The following OTUD1 variants were observed in gnomAD, a reference collection of about 807,000 sequenced individuals.
The protein encoded by OTUD1 is OTU domain-containing protein 1.
OTUD1 carries 15 observed loss-of-function variants against 30.0 expected under a neutral mutation model. The ratio of observed to expected loss-of-function variants is 0.50; its 90% CI spans 0.33 to 0.77. The LOEUF (loss-of-function observed/expected upper bound fraction) is 0.77. Among genes scored for constraint, OTUD1 ranks in the 30% least tolerant of loss-of-function variants. The pLI is 0.02. For synonymous variants in OTUD1, 381 were observed against 326.3 expected (o/e 1.17, Z -1.81); for missense variants, 796 against 697.8 (o/e 1.14, Z -1.59).
chr10:23,439,496 C>T lies in OTUD1; in HGVS notation c.39C>T (p.Ala13=). 8.0e-6 allele frequency: 11 copies of T among 1,370,324 alleles called. No homozygotes were observed. The highest frequency in any genetic ancestry group is 1.5e-5 in the African/African-American group (1 of 65,638). 84.9% of individuals were successfully genotyped at this position (1,370,324 alleles called of 1,614,324 possible). Residue 13 remains alanine, a synonymous_variant, in exon 1 of 1, where the codon GCC becomes GCT. Transcript: ENST00000376495. ...LYSSVCTHYP[A]GAPGPTAAAP... ...GCAGCGTCTGCACCCACTACCCCGC[C>T]GGGGCCCCGGGTCCCACGGCCGCCG...
In OTUD1 at chr10:23,439,657, T is replaced by C. The variant is rs772000715; in HGVS notation, c.200T>C (p.Val67Ala). The change falls in exon 1 of 1, where the codon GTC (valine) becomes GCC (alanine). Residue 67 changes from valine to alanine, a missense_variant. Val to Ala is a moderately conservative substitution (Grantham distance 64). Transcript: ENST00000376495. ...GCCGAGCACCGGGAAGCCGCCGCTG[T>C]CCCCGCCGCCAAGATGCCCGCCTTC... ...AAAEHREAAAVPAAKMPAFSS... is the reference protein window; with the variant it reads ...AAAEHREAAAAPAAKMPAFSS... 2.1e-4 allele frequency: 268 copies of C among 1,295,790 alleles called. No homozygotes were observed. The African/African-American group carries it at 3.6e-3, about 18-fold the overall frequency. 80.3% of individuals were successfully genotyped at this position (1,295,790 alleles called of 1,614,324 possible).
rs1205854110 is a variant in OTUD1, at chr10:23,439,542, G to C, written c.85G>C (p.Ala29Pro). 25 of 1,379,958 alleles carry C rather than the reference G, an allele frequency of 1.8e-5. No individual in the cohort carries two copies. Among genetic ancestry groups the C allele is most frequent in the Admixed American group, 3.0e-5 (1 of 33,700 alleles). 85.5% of individuals were successfully genotyped at this position (1,379,958 alleles called of 1,614,324 possible). A position where few individuals can be genotyped will look rare whatever the true frequency, so the allele number is the denominator to read the frequency against. The change falls in exon 1 of 1, where the codon GCT becomes CCT. Residue 29 changes from alanine to proline, a missense_variant. Physicochemically the swap from Ala to Pro is conservative, Grantham distance 27 (BLOSUM62 -1). Coordinates refer to ENST00000376495, the MANE Select transcript of OTUD1 (RefSeq NM_001145373.3). Reference protein sequence around the residue: ...TAAAPAPPAAATPFKVSLQPP... With the variant: ...TAAAPAPPAAPTPFKVSLQPP... ...CGCCGCCCCCGCGCCACCCGCCGCC[G>C]CTACCCCCTTCAAGGTCTCGCTGCA...
In OTUD1 at chr10:23,440,095, C is replaced by A; in HGVS notation, c.638C>A (p.Thr213Asn). 7.0e-7 allele frequency: 1 copy of A among 1,426,638 alleles called. No individual in the cohort carries two copies. 88.4% of individuals were successfully genotyped at this position (1,426,638 alleles called of 1,614,324 possible). The change falls in exon 1 of 1, where the codon ACC becomes AAC. Residue 213 changes from threonine to asparagine, a missense_variant. By Grantham distance (65) the Thr-to-Asn change is moderately conservative (BLOSUM62 0). Coordinates refer to ENST00000376495, the MANE Select transcript of OTUD1 (RefSeq NM_001145373.3). ...GCCAAGCACCGAGGCCCCGCGGCGA[C>A]CCCGGGGAGCCCCGATCCCGGCCCC... ...AAAKHRGPAA[T>N]PGSPDPGPGP...
chr10:23,441,313 G>T lies in OTUD1; in HGVS notation c.*410G>T, dbSNP rs4748890. 2.8e-5 allele frequency: 5 copies of T among 180,414 alleles called. No homozygotes were observed. In the Admixed American group the frequency reaches 3.0e-4, roughly 11 times the overall value. 11.2% of individuals were successfully genotyped at this position (180,414 alleles called of 1,614,324 possible). On this transcript the variant is annotated 3_prime_UTR_variant, in exon 1 of 1. Coordinates refer to ENST00000376495, the MANE Select transcript of OTUD1 (RefSeq NM_001145373.3). The stretch of plus-strand genomic sequence containing the variant: ...AGCTTTCAGGCGTAAATCCAGAGAA[G>T]TGCTTTATATGAAATGTATTATTTT...
rs1847130386 is a variant in OTUD1 at position 23,441,632 on chromosome 10, G to A, written c.*729G>A. 1 of 166,774 alleles carries A rather than the reference G, an allele frequency of 6.0e-6. No homozygotes were observed. Among genetic ancestry groups the A allele is most frequent in the Non-Finnish European group, 1.5e-5 (1 of 68,108 alleles). The allele number at this position is 166,774 out of a possible 1,614,324, so 10.3% of individuals were successfully genotyped here. ...GGATAGTAGCAGGTCTTACTTGAAT[G>A]AAAGTCTGATATTTGCTGATGGCAG... On this transcript the variant is annotated 3_prime_UTR_variant, in exon 1 of 1. Transcript: ENST00000376495.
Position 23,440,165 on chromosome 10 carries a change from C to A in OTUD1, c.708C>A (p.Gly236=). The A allele has an allele frequency of 6.9e-7, 1 of 1,452,560 alleles. No homozygotes were observed. The highest frequency in any genetic ancestry group is 9.0e-7 in the Non-Finnish European group (1 of 1,105,592). 90.0% of individuals were successfully genotyped at this position (1,452,560 alleles called of 1,614,324 possible). A position where few individuals can be genotyped will look rare whatever the true frequency, so the allele number is the denominator to read the frequency against. Residue 236 remains glycine, a synonymous_variant, in exon 1 of 1, where the codon GGC becomes GGA. Transcript: ENST00000376495. ...ACTTGGCGGAGAGGGGCCCCAGGGG[C>A]TGGGAGAGGGGCGGCGATCGCTGCG... ...EEHLAERGPR[G]WERGGDRCDA...
Position 23,440,878 on chromosome 10 carries a change from A to G in OTUD1, c.1421A>G (p.Tyr474Cys). 1.9e-6 allele frequency: 3 copies of G among 1,551,636 alleles called. No individual in the cohort carries two copies. The highest frequency in any genetic ancestry group is 1.7e-6 in the Non-Finnish European group (2 of 1,146,904). Residue 474 changes from tyrosine (Y) to cysteine (C), a missense_variant, in exon 1 of 1, where the codon TAT (tyrosine) becomes TGT (cysteine). Transcript: ENST00000376495. ...KSMAISLSKMYIEQNACS is the reference protein window; with the variant it reads ...KSMAISLSKMCIEQNACS ...ATGGCCATATCCTTGTCTAAAATGT[A>G]TATTGAACAAAATGCATGCTCTTGA... is the stretch of plus-strand genomic sequence containing the variant.
Position 23,440,485 on chromosome 10 carries a change from C to T in OTUD1, c.1028C>T (p.Thr343Met), listed in dbSNP as rs761283085. ...CTGCACCGGGAGTTGAGGGAGCAGA[C>T]GGTGCACTACATCGCCGACCATCTC... ...QSLHRELREQ[T>M]VHYIADHLDH... Residue 343 changes from threonine (T) to methionine (M), a missense_variant, in exon 1 of 1, where the codon ACG becomes ATG. Physicochemically the swap from Thr to Met is moderately conservative, Grantham distance 81. Coordinates refer to ENST00000376495, the MANE Select transcript of OTUD1 (RefSeq NM_001145373.3). 4 of 1,551,704 alleles carry T rather than the reference C, an allele frequency of 2.6e-6. No individual in the cohort carries two copies. Among genetic ancestry groups the T allele is most frequent in the South Asian group, 2.4e-5 (2 of 84,068 alleles).
Position 23,439,566 on chromosome 10 carries a change from C to T in OTUD1, c.109C>T (p.Gln37Ter). The change falls in exon 1 of 1, where the codon CAG becomes TAG. Residue 37 changes from glutamine to a stop codon, truncating the protein, a stop_gained. Transcript: ENST00000376495. LOFTEE classifies it high-confidence loss of function. ...CGCTACCCCCTTCAAGGTCTCGCTG[C>T]AGCCCCCGGGAGCCGCCGGCGCCGC... Reference protein sequence around the residue: ...AAATPFKVSLQPPGAAGAAPE... With the variant: ...AAATPFKVSL 1 of 1,382,570 alleles carries T rather than the reference C, an allele frequency of 7.2e-7. No individual in the cohort carries two copies. Among genetic ancestry groups the T allele is most frequent in the Non-Finnish European group, 9.4e-7 (1 of 1,064,720 alleles). The allele number at this position is 1,382,570 out of a possible 1,614,324, so 85.6% of individuals were successfully genotyped here.
At position 23,440,905 on chromosome 10, in the gene OTUD1, A is replaced by G. The variant is rs1290063349; in HGVS notation, c.*2A>G. ...ATTGAACAAAATGCATGCTCTTGAA[A>G]TGTCTCAAAACCTTACACCCTGGGA... On this transcript the variant is annotated 3_prime_UTR_variant, in exon 1 of 1. Transcript: ENST00000376495. The G allele has an allele frequency of 6.5e-7, 1 of 1,548,892 alleles. No homozygotes were observed. The highest frequency in any genetic ancestry group is 8.7e-7 in the Non-Finnish European group (1 of 1,145,506).
At position 23,441,933 on chromosome 10, in the gene OTUD1, C is replaced by T. The variant is rs1405295336; in HGVS notation, c.*1030C>T. ...TTTCAAAAGGCAAAATAGGATTGCC[C>T]TGTATTGATGTAGAAATGTCTGTAA... On this transcript the variant is annotated 3_prime_UTR_variant, in exon 1 of 1. Transcript: ENST00000376495. 2 of 166,952 alleles carry T rather than the reference C, an allele frequency of 1.2e-5. No homozygotes were observed. Among genetic ancestry groups the T allele is most frequent in the African/African-American group, 4.8e-5 (2 of 41,400 alleles). The allele number at this position is 166,952 out of a possible 1,614,324, so 10.3% of individuals were successfully genotyped here. A position where few individuals can be genotyped will look rare whatever the true frequency, so the allele number is the denominator to read the frequency against.
Position 23,440,129 on chromosome 10 carries a change from G to T in OTUD1, c.672G>T (p.Trp224Cys). Residue 224 changes from tryptophan to cysteine, a missense_variant, in exon 1 of 1, where the codon TGG becomes TGT. Coordinates refer to ENST00000376495, the MANE Select transcript of OTUD1 (RefSeq NM_001145373.3). ...PGSPDPGPGP[W>C]GEEHLAERGP... ...GCCCCGATCCCGGCCCCGGTCCGTG[G>T]GGCGAAGAGCACTTGGCGGAGAGGG... 7.0e-7 allele frequency: 1 copy of T among 1,427,230 alleles called. No homozygotes were observed. Among genetic ancestry groups the T allele is most frequent in the Non-Finnish European group, 9.1e-7 (1 of 1,099,090 alleles). 88.4% of individuals were successfully genotyped at this position (1,427,230 alleles called of 1,614,324 possible).
Position 23,440,902 on chromosome 10 carries a change from G to A in OTUD1, c.1445G>A (p.Ter482=), listed in dbSNP as rs1847120632. ...TATATTGAACAAAATGCATGCTCTT[G>A]AAATGTCTCAAAACCTTACACCCTG... ...KMYIEQNACS[*] The change falls in exon 1 of 1, where the codon TGA becomes TAA. Residue 482 remains the stop codon, a stop_retained_variant. Coordinates refer to ENST00000376495, the MANE Select transcript of OTUD1 (RefSeq NM_001145373.3). The A allele has an allele frequency of 1.9e-6, 3 of 1,549,318 alleles. No homozygotes were observed. The highest frequency in any genetic ancestry group is 4.9e-5 in the East Asian group (2 of 40,918).
Position 23,439,759 on chromosome 10 carries a change from A to C in OTUD1, c.302A>C (p.Lys101Thr). The C allele has an allele frequency of 8.6e-7, 1 of 1,158,004 alleles. No individual in the cohort carries two copies. The highest frequency in any genetic ancestry group is 3.4e-5 in the South Asian group (1 of 29,630). 71.7% of individuals were successfully genotyped at this position (1,158,004 alleles called of 1,614,324 possible). Residue 101 changes from lysine (K) to threonine (T), a missense_variant, in exon 1 of 1, where the codon AAG (lysine) becomes ACG (threonine). By Grantham distance (78) the Lys-to-Thr change is moderately conservative (BLOSUM62 -1). Transcript: ENST00000376495. ...GCCGGCCCGCCCGGCGCGTCCTGCAAGCCGCCGCTGCCGCCGCACTACACG... is the reference window on the plus strand; with the variant it reads ...GCCGGCCCGCCCGGCGCGTCCTGCACGCCGCCGCTGCCGCCGCACTACACG... ...AAAGPPGASC[K>T]PPLPPHYTST...
rs971349134 is a variant in OTUD1, at chr10:23,442,063, G to A, written c.*1160G>A. 6.0e-6 allele frequency: 1 copy of A among 166,884 alleles called. No individual in the cohort carries two copies. The highest frequency in any genetic ancestry group is 1.5e-5 in the Non-Finnish European group (1 of 68,094). The allele number at this position is 166,884 out of a possible 1,614,324, so 10.3% of individuals were successfully genotyped here. On this transcript the variant is annotated 3_prime_UTR_variant, in exon 1 of 1. Transcript: ENST00000376495. Reference sequence around the variant, plus strand: ...TCATATTTATTAAGTAATGCAGTTTGTACTTTTTTTATTTTGTAACATTTT... The same window carrying A: ...TCATATTTATTAAGTAATGCAGTTTATACTTTTTTTATTTTGTAACATTTT...
chr10:23,439,697 G>T lies in OTUD1; in HGVS notation c.240G>T (p.Glu80Asp). 8.0e-7 allele frequency: 1 copy of T among 1,256,380 alleles called. No homozygotes were observed. The highest frequency in any genetic ancestry group is 1.0e-6 in the Non-Finnish European group (1 of 994,698). The allele number at this position is 1,256,380 out of a possible 1,614,324, so 77.8% of individuals were successfully genotyped here. A position where few individuals can be genotyped will look rare whatever the true frequency, so the allele number is the denominator to read the frequency against. The change falls in exon 1 of 1, where the codon GAG (glutamate) becomes GAT (aspartate). Residue 80 changes from glutamate (E) to aspartate (D), a missense_variant. Glu to Asp is a conservative substitution (Grantham distance 45). Coordinates refer to ENST00000376495, the MANE Select transcript of OTUD1 (RefSeq NM_001145373.3). ...AKMPAFSSCF[E>D]VVSGAAAPAS... is the part of the protein sequence containing the mutation. ...TGCCCGCCTTCTCCTCCTGCTTCGA[G>T]GTGGTGTCCGGGGCCGCCGCGCCCG... is the stretch of plus-strand genomic sequence containing the variant.
rs1344939244 is a variant in OTUD1 at position 23,439,442 on chromosome 10, A to G, written c.-16A>G. On this transcript the variant is annotated 5_prime_UTR_variant, in exon 1 of 1. Coordinates refer to ENST00000376495, the MANE Select transcript of OTUD1 (RefSeq NM_001145373.3). ...GGCTCGCCGCGCCTATAAGGGGCCG[A>G]GCGGCGGGCAGGGACATGCAGCTCT... The G allele has an allele frequency of 1.6e-6, 2 of 1,275,052 alleles. No homozygotes were observed. Among genetic ancestry groups the G allele is most frequent in the Non-Finnish European group, 2.0e-6 (2 of 1,012,976 alleles). The allele number at this position is 1,275,052 out of a possible 1,614,324, so 79.0% of individuals were successfully genotyped here.
In OTUD1 at chr10:23,439,739, C is replaced by T. The variant is rs1847105677; in HGVS notation, c.282C>T (p.Gly94=). 1.7e-6 allele frequency: 2 copies of T among 1,168,822 alleles called. No individual in the cohort carries two copies. The highest frequency in any genetic ancestry group is 1.1e-6 in the Non-Finnish European group (1 of 951,656). 72.4% of individuals were successfully genotyped at this position (1,168,822 alleles called of 1,614,324 possible). A position where few individuals can be genotyped will look rare whatever the true frequency, so the allele number is the denominator to read the frequency against. ...GAAAPASAAA[G]PPGASCKPPL... ...CCGCGCCCGCCTCCGCCGCCGCCGG[C>T]CCGCCCGGCGCGTCCTGCAAGCCGC... Residue 94 remains glycine (G), a synonymous_variant, in exon 1 of 1, where the codon GGC becomes GGT. Transcript: ENST00000376495.
At position 23,439,652 on chromosome 10, in the gene OTUD1, C is replaced by A; in HGVS notation, c.195C>A (p.Ala65=). ...PAAAAEHREA[A]AVPAAKMPAF... ...CGGCCGCCGAGCACCGGGAAGCCGC[C>A]GCTGTCCCCGCCGCCAAGATGCCCG... is the stretch of plus-strand genomic sequence containing the variant. Residue 65 remains alanine, a synonymous_variant, in exon 1 of 1, where the codon GCC becomes GCA. Transcript: ENST00000376495. 2 of 1,301,936 alleles carry A rather than the reference C, an allele frequency of 1.5e-6. No homozygotes were observed. Among genetic ancestry groups the A allele is most frequent in the Non-Finnish European group, 2.0e-6 (2 of 1,018,698 alleles). The allele number at this position is 1,301,936 out of a possible 1,614,324, so 80.6% of individuals were successfully genotyped here.
Sources: allele counts gnomAD v4.1 joint callset, GRCh38; gene constraint gnomAD v4.1.1; transcripts MANE v1.5; gene names NCBI Gene and HGNC (gene_info 2026-07-23, HGNC 2026-07-21).